Variants in GLI3 observed in about 807,000 individuals in gnomAD.
GLI3 encodes GLI family zinc finger 3, also known as transcription activator GLI3.
A neutral mutation model predicts 100.8 loss-of-function variants in GLI3; 20 were observed. The ratio of observed to expected loss-of-function variants is 0.20; its 90% confidence interval spans 0.14 to 0.29. GLI3 has a LOEUF of 0.29. GLI3 is among the 10% of genes least tolerant of loss of function. GLI3 has a pLI of 1.00. For missense variants in GLI3, 2,040 were observed against 2,128.5 expected, an observed-to-expected ratio of 0.96 and a Z score of 0.82; for synonymous variants, 938 against 860.5, an observed-to-expected ratio of 1.09 and a Z score of -1.58.
chr7:41,978,558 G>T, intron 11 of GLI3, 41 bp downstream of exon 11: 2 of 1,605,422 alleles, frequency 1.2e-6, no homozygotes, highest in Non-Finnish European at 8.5e-7. Flanking sequence ...ATGAGTATGG[G>T]GAAGGACCCA....
chr7:42,083,913 T>C (rs1169611043), intron 3 of GLI3, among the ~76,000 whole-genome samples: 1 of 152,222 alleles, frequency 6.6e-6, no homozygotes, highest in Non-Finnish European at 1.5e-5. Flanking sequence ...TAGCAGTAGC[T>C]AAGCATTTGA....
intron 2 of GLI3, among the ~76,000 whole-genome samples, chr7:42,210,406 C>G (rs1262893959): frequency 8.3e-6 from 1 of 120,564 alleles, no homozygotes; most frequent in African/African-American, 3.3e-5. Flanking sequence ...AAGACTTGTA[C>G]TTGTATTATT....
chr7:42,207,676 C>G (rs1454790755), intron 2 of GLI3, among the ~76,000 whole-genome samples: 3 of 152,024 alleles, frequency 2.0e-5, no homozygotes, highest in African/African-American at 4.8e-5. Context: ...CTATTAAAGC[C>G]AAGTTGGAGA....
intron 3 of GLI3, among the ~76,000 whole-genome samples, chr7:42,116,769 A>G (rs961032629): frequency 1.3e-5 from 2 of 152,176 alleles, no homozygotes; most frequent in Non-Finnish European, 2.9e-5. Flanking sequence ...AATAGGATCC[A>G]TAAACACAGA....
At chr7:42,144,537 TTTTC>T in intron 3 of GLI3, among the ~76,000 whole-genome samples, 1 of 152,166 alleles carries the variant, frequency 6.6e-6, no homozygotes, top group East Asian at 1.9e-4. Flanking sequence ...GAGTTTTCTT[TTTTC>T]TTTTTTTTTT....
intron 1 of GLI3, among the ~76,000 whole-genome samples, chr7:42,258,827 A>G (rs1429484897): frequency 1.3e-5 from 2 of 152,240 alleles, no homozygotes; most frequent in Non-Finnish European, 2.9e-5. Flanking sequence ...TTCTCAAATC[A>G]TATCCTGGGG....
At chr7:42,164,769 G>T (rs1787205172) in intron 2 of GLI3, among the ~76,000 whole-genome samples, 1 of 151,956 alleles carries the variant, frequency 6.6e-6, no homozygotes, top group African/African-American at 2.4e-5. Flanking sequence ...GGTGGAGCTT[G>T]CAGTGAGCCG....
chr7:42,198,046 G>A (rs766794824), intron 2 of GLI3, among the ~76,000 whole-genome samples: 3 of 152,100 alleles, frequency 2.0e-5, no homozygotes, highest in Non-Finnish European at 4.4e-5. Flanking sequence ...ATTCCCTGAA[G>A]GGAGTAAAAA....
At chr7:42,170,984 A>C (rs371628158) in intron 2 of GLI3, among the ~76,000 whole-genome samples, 2 of 152,126 alleles carry the variant, frequency 1.3e-5, no homozygotes, top group South Asian at 2.1e-4. Flanking sequence ...GTTATTTATT[A>C]ATCATTCTAT....
At chr7:41,998,969 C>T (rs1389749500) in intron 10 of GLI3, among the ~76,000 whole-genome samples, 2 of 152,186 alleles carry the variant, frequency 1.3e-5, no homozygotes, top group Non-Finnish European at 2.9e-5. Flanking sequence ...TGGGCACGTG[C>T]ACTGAGATTT....
rs1018436947 is a variant in GLI3, at chr7:42,040,010, C to T, written c.1028+28G>A. 3.9e-6 allele frequency: 6 copies of T among 1,546,312 alleles called. No individual in the cohort carries two copies. The African/African-American group carries it at 8.2e-5, about 21-fold the overall frequency. ...AAGTGCTGACATTACATTTAAAAAA[C>T]ACATAATGGATTCAGGAAAATACAT... is the stretch of plus-strand genomic sequence containing the variant. On this transcript the variant is annotated intron_variant, in intron 7 of 14. Coordinates refer to ENST00000395925, the MANE Select transcript of GLI3 (RefSeq NM_000168.6).
Position 42,057,496 on chromosome 7 carries a change from G to A in GLI3, c.474-8800C>T, listed in dbSNP as rs191399782. Reference sequence around the variant, plus strand: ...TCTTTGGAATATATGAGACAATCACGTGTGCATATGTGCCACATGTACTCA... The same window carrying A: ...TCTTTGGAATATATGAGACAATCACATGTGCATATGTGCCACATGTACTCA... On this transcript the variant is annotated intron_variant, in intron 4 of 14. Coordinates refer to ENST00000395925, the MANE Select transcript of GLI3 (RefSeq NM_000168.6). 5.3e-5 allele frequency among the ~76,000 whole-genome samples: 8 copies of A among 152,278 alleles called. No homozygotes were observed. The South Asian group carries it at 8.3e-4, about 16-fold the overall frequency.
At chr7:42,199,225 C>T (rs1787989993) in intron 2 of GLI3, among the ~76,000 whole-genome samples, 1 of 152,174 alleles carries the variant, frequency 6.6e-6, no homozygotes, top group Admixed American at 6.5e-5. Flanking sequence ...ACTAACATTT[C>T]TAAAATTTCT....
chr7:42,249,834 C>T (rs1184221758), intron 1 of GLI3, among the ~76,000 whole-genome samples: 1 of 152,150 alleles, frequency 6.6e-6, no homozygotes, highest in Non-Finnish European at 1.5e-5. Context: ...GTGGCTCACA[C>T]CTGTAATCCC....
chr7:42,121,649 G>A lies in GLI3; in HGVS notation c.367+26577C>T, dbSNP rs141825570. Among the ~76,000 whole-genome samples, 641 of 152,202 alleles carry A rather than the reference G, an allele frequency of 4.2e-3. 4 individuals carry two copies. Among genetic ancestry groups the A allele is most frequent in the African/African-American group, 0.015 (611 of 41,508 alleles). ...ATGTCCCTTAAGGATCTGGATGGGT[G>A]CACCAAACTGGGGAGTGACAGCTTC... is the stretch of plus-strand genomic sequence containing the variant. On this transcript the variant is annotated intron_variant, in intron 3 of 14. Coordinates refer to ENST00000395925, the MANE Select transcript of GLI3 (RefSeq NM_000168.6).
At chr7:42,238,074 C>G (rs1425443741), upstream of GLI3, among the ~76,000 whole-genome samples, 2 of 150,592 alleles carry the variant, frequency 1.3e-5, no homozygotes, top group Admixed American at 1.3e-4. Flanking sequence ...CACACAGACA[C>G]ATTCATGCCT....
intron 3 of GLI3, among the ~76,000 whole-genome samples, 195 bp from the exon 4 acceptor site, chr7:42,077,052 C>T (rs1325564547): frequency 6.6e-6 from 1 of 152,174 alleles, no homozygotes; most frequent in African/African-American, 2.4e-5. Context: ...GTAGTGCCTG[C>T]ACCTACCTGA....
At chr7:42,086,862 T>G (rs1785112439) in intron 3 of GLI3, among the ~76,000 whole-genome samples, 1 of 152,174 alleles carries the variant, frequency 6.6e-6, no homozygotes, top group Admixed American at 6.5e-5. Context: ...TCATCCTCAG[T>G]GCGCTTCCTC....
intron 3 of GLI3, chr7:42,145,706 T>C (rs1786687467): frequency 7.6e-6 from 3 of 396,720 alleles, no homozygotes; most frequent in Admixed American, 4.4e-5. Flanking sequence ...TTATCACATA[T>C]TGATGATGAT....
Sources: allele counts gnomAD v4.1 joint callset (sites outside exome capture counted in the v4.1 genomes callset), GRCh38; gene constraint gnomAD v4.1.1; transcripts MANE v1.5; gene names NCBI Gene and HGNC (gene_info 2026-07-23, HGNC 2026-07-21).